CBR4: variants seen among roughly 807,000 people sequenced by gnomAD.
CBR4 encodes the protein 3-oxoacyl-[acyl-carrier-protein] reductase.
Under a neutral mutation model 21.0 loss-of-function variants are expected in CBR4, and 22 were observed. That is an observed-to-expected ratio of 1.05 (90% CI 0.75 to 1.50). The LOEUF is 1.50. Among genes scored for constraint, CBR4 ranks in the 40% most tolerant of loss-of-function variants. The probability of loss-of-function intolerance (pLI) is 0.00; values close to 1 mark genes in which losing one functional copy is unlikely to be tolerated. For synonymous variants in CBR4, 100 were observed against 104.4 expected (o/e 0.96, Z 0.26); for missense variants, 302 against 286.3 (o/e 1.05, Z -0.40).
At chr4:168,969,153 G>T (rs1764130299) in intron 2 of CBR4, among the ~76,000 whole-genome samples, 1 of 152,206 alleles carries the variant, frequency 6.6e-6, no homozygotes, top group Admixed American at 6.5e-5. Context: ...CCTTTCTCCA[G>T]TGTACTGTTA....
intron 1 of CBR4, 138 bp from the exon 2 acceptor site, chr4:169,007,894 G>A: frequency 3.9e-6 from 2 of 515,160 alleles, no homozygotes; most frequent in Non-Finnish European, 6.5e-6. Context: ...ATGTCATGAG[G>A]CCTGGCTTTC....
rs1205890819 is a variant in CBR4 at position 168,925,413 on chromosome 4, CAT to C, written n.170-30650_170-30649del. ...GGCAAAGGCATAACCATGTTTTTCA[CAT>C]GTTCTTGTTACTGTGTTCTGCAAAT... On this transcript the variant is annotated intron_variant and non_coding_transcript_variant, in intron 2 of 3. Coordinates refer to the CBR4 transcript ENST00000509108. 1.8e-4 allele frequency: 132 copies of C among 743,230 alleles called. 1 individual carries two copies. In the East Asian group the frequency reaches 3.2e-3, roughly 18 times the overall value. The allele number at this position is 743,230 out of a possible 1,614,324, so 46.0% of individuals were successfully genotyped here. A position where few individuals can be genotyped will look rare whatever the true frequency, so the allele number is the denominator to read the frequency against.
intron 2 of CBR4, among the ~76,000 whole-genome samples, chr4:168,902,476 C>A (rs747859590): frequency 6.6e-6 from 1 of 152,102 alleles, no homozygotes; most frequent in East Asian, 1.9e-4. Flanking sequence ...TAACTTAAAT[C>A]GAAAATAATA....
chr4:168,923,596 T>A (rs549887253), intron 2 of CBR4, among the ~76,000 whole-genome samples: 3 of 151,992 alleles, frequency 2.0e-5, no homozygotes, highest in African/African-American at 7.2e-5. Context: ...CTTTTTTTTT[T>A]AATGGGTTCC....
chr4:168,914,511 C>T (rs1471969016), intron 2 of CBR4, among the ~76,000 whole-genome samples: 1 of 152,200 alleles, frequency 6.6e-6, no homozygotes, highest in Non-Finnish European at 1.5e-5. Context: ...TAAGATCTGT[C>T]ACATTTTAAA....
intron 2 of CBR4, among the ~76,000 whole-genome samples, chr4:168,938,231 T>C (rs10030990): frequency 0.016 from 2,468 of 152,092 alleles, 55 homozygotes; most frequent in African/African-American, 0.04. Flanking sequence ...AATAACAAAA[T>C]TAAGGCAGAA....
intron 3 of CBR4, chr4:169,005,170 T>C (rs1023400883): frequency 1.3e-5 from 2 of 151,742 alleles, no homozygotes; most frequent in Non-Finnish European, 2.9e-5. Flanking sequence ...TGCATATGGA[T>C]AGAGGGGTGT....
chr4:168,897,737 G>T (rs1755527861), intron 2 of CBR4, among the ~76,000 whole-genome samples: 1 of 152,070 alleles, frequency 6.6e-6, no homozygotes, highest in Non-Finnish European at 1.5e-5. Context: ...ACAGGCATGA[G>T]CCACTGTACC....
intron 2 of CBR4, among the ~76,000 whole-genome samples, chr4:168,918,325 GAT>G (rs71588177): frequency 7.4e-5 from 11 of 149,456 alleles, no homozygotes; most frequent in Non-Finnish European, 1.6e-4. Context: ...GAAAATATGA[GAT>G]ATATATATAT....
At chr4:168,966,186 A>G (rs560573819) in intron 2 of CBR4, among the ~76,000 whole-genome samples, 4 of 152,262 alleles carry the variant, frequency 2.6e-5, no homozygotes, top group Admixed American at 6.5e-5. Flanking sequence ...AATCAAAACC[A>G]CAATGAAATA....
At chr4:168,958,976 G>C (rs902001879) in intron 2 of CBR4, among the ~76,000 whole-genome samples, 3 of 152,014 alleles carry the variant, frequency 2.0e-5, no homozygotes, top group African/African-American at 7.2e-5. Context: ...GTTTCACCTA[G>C]TCTGTGACTT....
In CBR4 at chr4:168,921,626, C is replaced by T. The variant is rs775868002; in HGVS notation, n.170-26861G>A. On this transcript the variant is annotated intron_variant and non_coding_transcript_variant, in intron 2 of 3. Coordinates refer to the CBR4 transcript ENST00000509108. ...CTCACAAGATGCTGGTGCGTGAGAA[C>T]GGGGTGCACTCTCTGATCATAGAGC... 7 of 1,610,706 alleles carry T rather than the reference C, an allele frequency of 4.3e-6. No individual in the cohort carries two copies. The highest frequency in any genetic ancestry group is 2.2e-5 in the East Asian group (1 of 44,752).
chr4:168,916,061 C>T (rs1760016931), intron 2 of CBR4: 2 of 1,589,346 alleles, frequency 1.3e-6, no homozygotes, highest in Non-Finnish European at 1.7e-6. Context: ...TATCCTATTG[C>T]CCCACTTCTC....
Position 168,989,566 on chromosome 4 carries a change from T to C in CBR4, c.*584A>G. 1 of 985,418 alleles carries C rather than the reference T, an allele frequency of 1.0e-6. No homozygotes were observed. The highest frequency in any genetic ancestry group is 6.1e-5 in the Admixed American group (1 of 16,284). 61.0% of individuals were successfully genotyped at this position (985,418 alleles called of 1,614,324 possible). ...ATATAGTTATCTTTAGTGGGCTTGC[T>C]AAAGTATTGACAACTAATCAGTGTC... On this transcript the variant is annotated 3_prime_UTR_variant, in exon 5 of 5. Coordinates refer to ENST00000306193, the MANE Select transcript of CBR4 (RefSeq NM_032783.5).
Position 169,008,193 on chromosome 4 carries a change from C to A in CBR4, c.143-437G>T, listed in dbSNP as rs1006393691. Among the ~76,000 whole-genome samples, 224 of 152,164 alleles carry A rather than the reference C, an allele frequency of 1.5e-3. 3 individuals carry two copies. The highest frequency in any genetic ancestry group is 4.6e-4 in the Non-Finnish European group (31 of 68,002). On this transcript the variant is annotated intron_variant, in intron 1 of 4. Transcript: ENST00000306193. ...GCCCTGAACGGGAACTCTTGGGTTTCTTCTTTTTAAGTGCTACGGATGCAC... is the reference window on the plus strand; with the variant it reads ...GCCCTGAACGGGAACTCTTGGGTTTATTCTTTTTAAGTGCTACGGATGCAC...
intron 2 of CBR4, among the ~76,000 whole-genome samples, chr4:168,935,743 A>T (rs1763093951): frequency 6.6e-6 from 1 of 152,218 alleles, no homozygotes; most frequent in South Asian, 2.1e-4. Context: ...AATCTCTGAA[A>T]GAAAGGCAGC....
chr4:168,986,754 G>A (rs1764704338), downstream of CBR4, among the ~76,000 whole-genome samples: 1 of 152,078 alleles, frequency 6.6e-6, no homozygotes, highest in Non-Finnish European at 1.5e-5. Flanking sequence ...ACCAGCCTGG[G>A]TGACACAGTG....
intron 2 of CBR4, among the ~76,000 whole-genome samples, chr4:168,899,011 T>A (rs1755866015): frequency 6.6e-6 from 1 of 152,138 alleles, no homozygotes; most frequent in African/African-American, 2.4e-5. Flanking sequence ...ATAACTAAAC[T>A]GAGTTCTGTG....
chr4:168,924,453 C>T (rs1351733867), intron 2 of CBR4: 1 of 1,566,896 alleles, frequency 6.4e-7, no homozygotes, highest in Non-Finnish European at 8.8e-7. Flanking sequence ...TGATCCTTAA[C>T]TGTTCAGTCC....
Sources: allele counts gnomAD v4.1 joint callset (sites outside exome capture counted in the v4.1 genomes callset), GRCh38; gene constraint gnomAD v4.1.1; transcripts MANE v1.5; gene names NCBI Gene and HGNC (gene_info 2026-07-23, HGNC 2026-07-21).